Variants in IGSF3 observed in about 807,000 individuals in gnomAD.
The protein encoded by IGSF3 is immunoglobulin superfamily member 3.
Under a neutral mutation model 114.4 loss-of-function variants are expected in IGSF3, and 23 were observed. That is an observed-to-expected ratio of 0.20 (90% confidence interval 0.14 to 0.28). The LOEUF is 0.28. Among genes scored for constraint, IGSF3 ranks in the 10% least tolerant of loss-of-function variants. The pLI is 1.00. For missense variants in IGSF3, 1,172 were observed against 1,591.5 expected (o/e 0.74, Z 4.48); for synonymous variants, 571 against 645.2 (o/e 0.88, Z 1.74).
rs568064349 is a variant in IGSF3 at position 116,616,443 on chromosome 1, G to C, written c.58C>G (p.Gln20Glu). 1 of 1,597,432 alleles carries C rather than the reference G, an allele frequency of 6.3e-7. No homozygotes were observed. The highest frequency in any genetic ancestry group is 1.3e-5 in the African/African-American group (1 of 74,790). The change falls in exon 3 of 11, where the codon CAG becomes GAG. Residue 20 changes from glutamine (Q) to glutamate (E), a missense_variant. Around this residue, in one of 3 missense-constraint regions of IGSF3, gnomAD observed 736 missense variants for 1,042.0 expected, o/e 0.71. Transcript: ENST00000369486. The surrounding 1 kb of genome is among the most constrained non-coding windows in gnomAD (Gnocchi z 6.6). ...CCTTCCTGAACGGTGACCTGCCGCTGTGCTGACACCACACCTACGAGGGAG... is the reference window on the plus strand; with the variant it reads ...CCTTCCTGAACGGTGACCTGCCGCTCTGCTGACACCACACCTACGAGGGAG... ...CLAVLGVVSA[Q>E]RQVTVQEGPL...
intron 7 of IGSF3, among the ~76,000 whole-genome samples, chr1:116,597,201 G>C (rs1481214446): frequency 3.9e-5 from 6 of 152,146 alleles, no homozygotes. Flanking sequence ...TTATAAAATG[G>C]GAAAGCAATA....
At chr1:116,597,138 C>G (rs561243180) in intron 7 of IGSF3, among the ~76,000 whole-genome samples, 1 of 152,204 alleles carries the variant, frequency 6.6e-6, no homozygotes, top group Non-Finnish European at 1.5e-5. Flanking sequence ...CCCCCATTCA[C>G]TAGGTGTTTA....
At chr1:116,591,020 TAGAG>T (rs1660090751) in intron 7 of IGSF3, among the ~76,000 whole-genome samples, 1 of 150,680 alleles carries the variant, frequency 6.6e-6, no homozygotes. Context: ...AGGCACCACT[TAGAG>T]AGAAATCCTG....
At chr1:116,620,941 G>T (rs1378983507) in intron 2 of IGSF3, among the ~76,000 whole-genome samples, 2 of 152,244 alleles carry the variant, frequency 1.3e-5, no homozygotes, top group East Asian at 3.9e-4. Flanking sequence ...GGATGATATG[G>T]TTGGGGTCTC....
intron 7 of IGSF3, among the ~76,000 whole-genome samples, chr1:116,597,447 G>GCACT (rs1162738711): frequency 6.6e-6 from 1 of 152,194 alleles, no homozygotes; most frequent in Non-Finnish European, 1.5e-5. Flanking sequence ...TTAAGGGGAT[G>GCACT]CACTCTCCTG....
At position 116,654,633 on chromosome 1, in the gene IGSF3, C is replaced by A. The variant is rs958157063; in HGVS notation, c.43+11651G>T. On this transcript the variant is annotated intron_variant, in intron 2 of 10. Coordinates refer to ENST00000369486, the MANE Select transcript of IGSF3 (RefSeq NM_001007237.3). The surrounding 1 kb of genome is among the most constrained non-coding windows in gnomAD (Gnocchi z 4.4). Reference sequence around the variant, plus strand: ...TGGATTGGCCTTATACTCACCACCCCCCATACGAGGCTCCTCTGGTATGGA... The same window carrying A: ...TGGATTGGCCTTATACTCACCACCCACCATACGAGGCTCCTCTGGTATGGA... 2.0e-5 allele frequency among the ~76,000 whole-genome samples: 3 copies of A among 152,138 alleles called. No homozygotes were observed. The highest frequency in any genetic ancestry group is 7.2e-5 in the African/African-American group (3 of 41,422).
Position 116,616,369 on chromosome 1 carries a change from C to A in IGSF3, c.132G>T (p.Val44=), listed in dbSNP as rs747747769. 8.1e-6 allele frequency: 13 copies of A among 1,611,982 alleles called. No individual in the cohort carries two copies. The highest frequency in any genetic ancestry group is 1.1e-5 in the Non-Finnish European group (13 of 1,179,768). The change falls in exon 3 of 11, where the codon GTG becomes GTT. Residue 44 remains valine (V), a synonymous_variant. Transcript: ENST00000369486. The surrounding 1 kb of genome is among the most constrained non-coding windows in gnomAD (Gnocchi z 6.6). ...EGSHITIWCN[V]SGYQGPSEQN... is the part of the protein sequence containing the mutation. ...GCTCAGAAGGTCCCTGGTAGCCACT[C>A]ACATTGCACCAGATAGTGATGTGGG...
rs1571203501 is a variant in IGSF3 at position 116,666,143 on chromosome 1, A to G, written c.43+141T>C. 6 of 785,602 alleles carry G rather than the reference A, an allele frequency of 7.6e-6. No individual in the cohort carries two copies. In the East Asian group the frequency reaches 1.5e-4, roughly 20 times the overall value. The allele number at this position is 785,602 out of a possible 1,614,324, so 48.7% of individuals were successfully genotyped here. On this transcript the variant is annotated intron_variant, in intron 2 of 10. Transcript: ENST00000369486. The stretch of plus-strand genomic sequence containing the variant: ...TTAGAAACGGGCCTCTTCGTACTCT[A>G]CTCCAACCTGTGACACACACCGACC...
chr1:116,602,878 G>A (rs1209010027), intron 6 of IGSF3, among the ~76,000 whole-genome samples: 1 of 152,244 alleles, frequency 6.6e-6, no homozygotes, highest in Non-Finnish European at 1.5e-5. Context: ...TACCCCATGA[G>A]AAGCAAATCT....
chr1:116,635,257 T>G (rs1372992605), intron 2 of IGSF3, among the ~76,000 whole-genome samples: 10 of 152,178 alleles, frequency 6.6e-5, no homozygotes, highest in Non-Finnish European at 1.5e-4. Context: ...AGCCCTTGAG[T>G]CACCAATTCC....
chr1:116,666,305 G>C lies in IGSF3; in HGVS notation c.22C>G (p.Leu8Val). The C allele has an allele frequency of 6.2e-7, 1 of 1,614,152 alleles. No homozygotes were observed. The highest frequency in any genetic ancestry group is 8.5e-7 in the Non-Finnish European group (1 of 1,180,006). MKCFFPV[L>V]SCLAVLGVVS... ...TTACCCAGCACAGCCAGACAGCTCA[G>C]CACCGGGAAAAAGCACTTCATGTCG... The change falls in exon 2 of 11, where the codon CTG (leucine) becomes GTG (valine). Residue 8 changes from leucine (L) to valine (V), a missense_variant. Physicochemically the swap from Leu to Val is conservative, Grantham distance 32. Coordinates refer to ENST00000369486, the MANE Select transcript of IGSF3 (RefSeq NM_001007237.3).
chr1:116,581,835 C>T (rs1475935273), intron 9 of IGSF3, among the ~76,000 whole-genome samples: 1 of 152,180 alleles, frequency 6.6e-6, no homozygotes, highest in Non-Finnish European at 1.5e-5. Flanking sequence ...ACTCCAAGGC[C>T]ATTAGAGAGC....
intron 8 of IGSF3, among the ~76,000 whole-genome samples, chr1:116,587,630 G>A (rs987684185): frequency 1.3e-5 from 2 of 152,188 alleles, no homozygotes; most frequent in East Asian, 3.8e-4. Context: ...CAGAAGAAAT[G>A]CAAACCATTA....
At position 116,605,083 on chromosome 1, in the gene IGSF3, A is replaced by G. The variant is rs1016450067; in HGVS notation, c.1223-1058T>C. ...TTTAATTATACATGTAGTATTTTGT[A>G]TAATTATCTATATTGAGTTCAGAAG... On this transcript the variant is annotated intron_variant, in intron 5 of 10. Transcript: ENST00000369486. This position sits in a 1 kb window ranked among gnomAD's most constrained non-coding sequence, Gnocchi z 5.1. Among the ~76,000 whole-genome samples, 2 of 152,198 alleles carry G rather than the reference A, an allele frequency of 1.3e-5. No individual in the cohort carries two copies. Among genetic ancestry groups the G allele is most frequent in the African/African-American group, 4.8e-5 (2 of 41,446 alleles).
In IGSF3 at chr1:116,615,826, C is replaced by T. The variant is rs951090873; in HGVS notation, c.421+254G>A. Among the ~76,000 whole-genome samples the T allele has an allele frequency of 5.3e-5, 8 of 152,214 alleles. No homozygotes were observed. The highest frequency in any genetic ancestry group is 2.0e-4 in the Admixed American group (3 of 15,288). ...CCTTATATTTTCATATCCCTTTTCA[C>T]CAGTTACAGGGTTAGTTAACTTATG... On this transcript the variant is annotated intron_variant, in intron 3 of 10. Transcript: ENST00000369486. The surrounding 1 kb of genome is among the most constrained non-coding windows in gnomAD (Gnocchi z 4.3).
Position 116,632,800 on chromosome 1 carries a change from C to A in IGSF3, c.44-16343G>T, listed in dbSNP as rs758624634. 6.6e-6 allele frequency among the ~76,000 whole-genome samples: 1 copy of A among 152,172 alleles called. No individual in the cohort carries two copies. The highest frequency in any genetic ancestry group is 1.5e-5 in the Non-Finnish European group (1 of 68,032). ...CCAACTCCAGAAAAATAAAAGGCTG[C>A]AGCGAGAAACAAGTGGGGCCACAGA... On this transcript the variant is annotated intron_variant, in intron 2 of 10. Transcript: ENST00000369486. This position sits in a 1 kb window ranked among gnomAD's most constrained non-coding sequence, Gnocchi z 5.1.
chr1:116,584,871 G>A lies in IGSF3; in HGVS notation c.2622C>T (p.Ala874=). The A allele has an allele frequency of 1.2e-6, 2 of 1,614,228 alleles. No homozygotes were observed. The highest frequency in any genetic ancestry group is 1.7e-6 in the Non-Finnish European group (2 of 1,180,036). ...CTGCCTGCTCTCCATAGTGGAAGGT[G>A]GCGTCACGGCTCAAGCGGGCCACAG... ...RETVARLSRD[A]TFHYGEQAAK... The change falls in exon 9 of 11, where the codon GCC becomes GCT. Residue 874 remains alanine (A), a synonymous_variant. Transcript: ENST00000369486. The surrounding 1 kb of genome is among the most constrained non-coding windows in gnomAD (Gnocchi z 5.8).
chr1:116,646,350 T>G (rs969237921), intron 2 of IGSF3, among the ~76,000 whole-genome samples: 5 of 150,690 alleles, frequency 3.3e-5, no homozygotes, highest in Non-Finnish European at 7.4e-5. Flanking sequence ...TTGGGGGGGG[T>G]CCACACAAAG....
Position 116,628,327 on chromosome 1 carries a change from C to T in IGSF3, c.44-11870G>A, listed in dbSNP as rs1169696530. On this transcript the variant is annotated intron_variant, in intron 2 of 10. Transcript: ENST00000369486. The surrounding 1 kb of genome is among the most constrained non-coding windows in gnomAD (Gnocchi z 4.2). ...CTCCAAATACTCAGCTTACACATGC[C>T]TGTTGCTGCTGCACTCCCCACTGTG... Among the ~76,000 whole-genome samples, 2 of 152,210 alleles carry T rather than the reference C, an allele frequency of 1.3e-5. No individual in the cohort carries two copies. The highest frequency in any genetic ancestry group is 2.9e-5 in the Non-Finnish European group (2 of 68,032).
Sources: allele counts gnomAD v4.1 joint callset (sites outside exome capture counted in the v4.1 genomes callset), GRCh38; gene constraint gnomAD v4.1.1; regional missense constraint gnomAD v4.1.1; non-coding constraint Gnocchi (gnomAD v3.1); transcripts MANE v1.5; gene names NCBI Gene and HGNC (gene_info 2026-07-23, HGNC 2026-07-21).